KATNA1: variants seen among roughly 807,000 people sequenced by gnomAD.
KATNA1 encodes katanin p60 ATPase-containing subunit A1.
Under a neutral mutation model 62.6 loss-of-function variants are expected in KATNA1, and 42 were observed. The observed-to-expected ratio is 0.67, with a 90% CI of 0.52 to 0.87. The LOEUF is 0.87. Ranked by LOEUF, KATNA1 falls within the 40% of genes least tolerant of loss-of-function variation. KATNA1 has a pLI of 0.00. For synonymous variants in KATNA1, 186 were observed against 201.9 expected (o/e 0.92, Z 0.67); for missense variants, 498 against 612.5 (o/e 0.81, Z 1.97).
At chr6:149,617,397 CAATT>C (rs1485097691) in intron 4 of KATNA1, among the ~76,000 whole-genome samples, 1 of 152,156 alleles carries the variant, frequency 6.6e-6, no homozygotes, top group African/African-American at 2.4e-5. Context: ...TATAGCTTAA[CAATT>C]AACATACAGA....
intron 3 of KATNA1, among the ~76,000 whole-genome samples, chr6:149,626,853 A>C (rs1429445281): frequency 6.6e-6 from 1 of 151,076 alleles, no homozygotes; most frequent in Non-Finnish European, 1.5e-5. Flanking sequence ...GCCTGGTGGC[A>C]GGCGCCTATA....
chr6:149,597,004 A>G, intron 10 of KATNA1, 59 bp downstream of exon 10: 1 of 1,580,338 alleles, frequency 6.3e-7, no homozygotes, highest in Non-Finnish European at 8.6e-7. Context: ...ACAAAACCAA[A>G]AAACTTCATA....
At chr6:149,599,357 C>G (rs1778446076) in intron 7 of KATNA1, among the ~76,000 whole-genome samples, 1 of 152,062 alleles carries the variant, frequency 6.6e-6, no homozygotes. Flanking sequence ...CAGTCTGTTG[C>G]CACACCAAGC....
intron 4 of KATNA1, among the ~76,000 whole-genome samples, chr6:149,619,903 T>C (rs1779326271): frequency 6.6e-6 from 1 of 152,132 alleles, no homozygotes; most frequent in Non-Finnish European, 1.5e-5. Context: ...AGCCAAGACA[T>C]GGAATCAACC....
Position 149,596,737 on chromosome 6 carries a change from AT to A in KATNA1, c.1277+325del, listed in dbSNP as rs1276800561. 2.6e-5 allele frequency among the ~76,000 whole-genome samples: 4 copies of A among 151,896 alleles called. No homozygotes were observed. In the East Asian group the frequency reaches 7.8e-4, roughly 30 times the overall value. ...CCACCATGCCCGGCTAATTTTTAAA[AT>A]TTTTTTCATGGATATGAGGTCTTGC... is the stretch of plus-strand genomic sequence containing the variant. On this transcript the variant is annotated intron_variant, in intron 10 of 10. Coordinates refer to ENST00000367411, the MANE Select transcript of KATNA1 (RefSeq NM_007044.4).
chr6:149,647,142 C>G (rs1318133071), intron 1 of KATNA1, among the ~76,000 whole-genome samples: 1 of 151,550 alleles, frequency 6.6e-6, no homozygotes, highest in East Asian at 1.9e-4. Flanking sequence ...TTGATCACTA[C>G]TGCGTGTTTT....
Position 149,604,880 on chromosome 6 carries a change from T to C in KATNA1, c.502-98A>G. 4.2e-6 allele frequency: 5 copies of C among 1,197,400 alleles called. No homozygotes were observed. In the South Asian group the frequency reaches 6.7e-5, roughly 16 times the overall value. 74.2% of individuals were successfully genotyped at this position (1,197,400 alleles called of 1,614,324 possible). A position where few individuals can be genotyped will look rare whatever the true frequency, so the allele number is the denominator to read the frequency against. ...ACTCAAGTGACGTCCTTTAAAAAGC[T>C]AATACATCATTTGGCCAGGCGCAGT... On this transcript the variant is annotated intron_variant, in intron 4 of 10. Transcript: ENST00000367411.
intron 4 of KATNA1, among the ~76,000 whole-genome samples, chr6:149,606,990 T>C (rs1402092459): frequency 8.5e-5 from 13 of 152,294 alleles, no homozygotes; most frequent in African/African-American, 3.1e-4. Flanking sequence ...TGTTACTCAT[T>C]TACAGATATT....
At chr6:149,612,246 C>G (rs547288891) in intron 4 of KATNA1, among the ~76,000 whole-genome samples, 2 of 151,508 alleles carry the variant, frequency 1.3e-5, no homozygotes, top group Non-Finnish European at 2.9e-5. Context: ...GGTGGCTCAC[C>G]CCTATAATCC....
intron 7 of KATNA1, among the ~76,000 whole-genome samples, chr6:149,599,274 A>G (rs1052702744): frequency 6.6e-5 from 10 of 151,890 alleles, no homozygotes; most frequent in African/African-American, 1.5e-4. Context: ...TCATTAAAAC[A>G]TCCAAGAAAA....
intron 1 of KATNA1, among the ~76,000 whole-genome samples, chr6:149,638,881 C>T (rs1218840081): frequency 6.6e-6 from 1 of 151,772 alleles, no homozygotes; most frequent in East Asian, 2.0e-4. Context: ...GGATTACAGG[C>T]ACCCACCGCC....
chr6:149,598,549 T>TC (rs1289717731), intron 7 of KATNA1, among the ~76,000 whole-genome samples, 199 bp from the exon 8 acceptor site: 1 of 151,404 alleles, frequency 6.6e-6, no homozygotes, highest in Admixed American at 6.6e-5. Flanking sequence ...ATAGCAAGAC[T>TC]CCATCTCTAC....
At chr6:149,610,941 C>T (rs1005248634) in intron 4 of KATNA1, among the ~76,000 whole-genome samples, 20 of 152,210 alleles carry the variant, frequency 1.3e-4, no homozygotes, top group South Asian at 8.3e-4. Flanking sequence ...AAAAACTAGC[C>T]GGGCGTGGTG....
rs1258589746 is a variant in KATNA1, at chr6:149,617,540, G to A, written c.501+5563C>T. ...ACACTGGCCAGGCGCAGTGGCTCAC[G>A]CCTGTAATCCCAACACTTTGGGAGG... is the stretch of plus-strand genomic sequence containing the variant. On this transcript the variant is annotated intron_variant, in intron 4 of 10. Transcript: ENST00000367411. 3.9e-5 allele frequency among the ~76,000 whole-genome samples: 6 copies of A among 152,144 alleles called. No individual in the cohort carries two copies. The South Asian group carries it at 8.3e-4, about 21-fold the overall frequency.
At chr6:149,635,771 G>T (rs541259343) in intron 2 of KATNA1, among the ~76,000 whole-genome samples, 1 of 151,164 alleles carries the variant, frequency 6.6e-6, no homozygotes, top group African/African-American at 2.4e-5. Flanking sequence ...ATAAGAAAAT[G>T]GTAGGCCAGG....
At chr6:149,638,281 G>T (rs1351804971) in intron 2 of KATNA1, 105 bp downstream of exon 2, 2 of 1,081,524 alleles carry the variant, frequency 1.8e-6, no homozygotes, top group African/African-American at 1.6e-5. Flanking sequence ...GTGCTCGGTA[G>T]TCATACAGTC....
In KATNA1 at chr6:149,615,932, C is replaced by T. The variant is rs147132380; in HGVS notation, c.501+7171G>A. 1.3e-3 allele frequency among the ~76,000 whole-genome samples: 197 copies of T among 152,212 alleles called. 1 individual carries two copies. The highest frequency in any genetic ancestry group is 4.6e-3 in the African/African-American group (192 of 41,534). On this transcript the variant is annotated intron_variant, in intron 4 of 10. Coordinates refer to ENST00000367411, the MANE Select transcript of KATNA1 (RefSeq NM_007044.4). ...AATGAAAAAAGATACTCCACACAAA[C>T]AGTAACCTAAAGATAGCAGGGACGG...
At chr6:149,606,580 T>C (rs1450148105) in intron 4 of KATNA1, among the ~76,000 whole-genome samples, 1 of 151,976 alleles carries the variant, frequency 6.6e-6, no homozygotes, top group Non-Finnish European at 1.5e-5. Flanking sequence ...GAGCCTCCAA[T>C]ATTAGCATAA....
intron 3 of KATNA1, 118 bp downstream of exon 3, chr6:149,632,641 G>C (rs182517563): frequency 1.3e-6 from 1 of 768,436 alleles, no homozygotes; most frequent in African/African-American, 1.8e-5. Context: ...AAGAGAGAAC[G>C]TTCAGTAAAG....
Sources: allele counts gnomAD v4.1 joint callset (sites outside exome capture counted in the v4.1 genomes callset), GRCh38; gene constraint gnomAD v4.1.1; transcripts MANE v1.5; gene names NCBI Gene and HGNC (gene_info 2026-07-23, HGNC 2026-07-21).